NAALADL2: variants seen among roughly 807,000 people sequenced by gnomAD.
NAALADL2 encodes N-acetylated alpha-linked acidic dipeptidase like 2, also known as inactive N-acetylated-alpha-linked acidic dipeptidase-like protein 2.
NAALADL2 carries 76 observed loss-of-function variants against 87.2 expected under a neutral mutation model. The observed-to-expected ratio is 0.87, with a 90% CI of 0.72 to 1.05. NAALADL2 has a LOEUF of 1.05. Among genes scored for constraint, NAALADL2 ranks in the 50% least tolerant of loss-of-function variants. The pLI is 0.00. For synonymous variants in NAALADL2, 354 were observed against 331.0 expected (o/e 1.07, Z -0.75); for missense variants, 1,089 against 945.8 (o/e 1.15, Z -1.99).
At chr3:174,584,022 A>T (rs1316895399) in intron 2 of NAALADL2, among the ~76,000 whole-genome samples, 8 of 152,302 alleles carry the variant, frequency 5.3e-5, no homozygotes, top group Admixed American at 3.3e-4. Flanking sequence ...ATTATCTAAA[A>T]AGGGCATATT....
At chr3:175,298,291 T>G (rs1009122746) in intron 4 of NAALADL2, among the ~76,000 whole-genome samples, 1 of 152,108 alleles carries the variant, frequency 6.6e-6, no homozygotes, top group Non-Finnish European at 1.5e-5. Context: ...GTTTAATTAT[T>G]TTGTTAGTAT....
At chr3:175,404,087 T>G (rs1375389374) in intron 5 of NAALADL2, among the ~76,000 whole-genome samples, 1 of 152,082 alleles carries the variant, frequency 6.6e-6, no homozygotes, top group Admixed American at 6.6e-5. Flanking sequence ...CATCTTGGTT[T>G]AGTTTCTGAG....
intron 10 of NAALADL2, among the ~76,000 whole-genome samples, chr3:175,606,795 A>G (rs1356884016): frequency 6.6e-6 from 1 of 152,172 alleles, no homozygotes; most frequent in African/African-American, 2.4e-5. Flanking sequence ...GAAGTGTCAG[A>G]GAAGAGCAAA....
chr3:175,476,410 G>C (rs937098308), intron 9 of NAALADL2, among the ~76,000 whole-genome samples: 1 of 152,068 alleles, frequency 6.6e-6, no homozygotes, highest in African/African-American at 2.4e-5. Context: ...ATAAGAGTGA[G>C]TGTGATATGT....
At chr3:174,647,143 T>C (rs1437073369) in intron 2 of NAALADL2, among the ~76,000 whole-genome samples, 1 of 152,244 alleles carries the variant, frequency 6.6e-6, no homozygotes, top group Admixed American at 6.5e-5. Flanking sequence ...CCTTTCTTTA[T>C]ACAATCTCAT....
chr3:175,086,162 A>C (rs1718857280), intron 1 of NAALADL2, among the ~76,000 whole-genome samples: 1 of 152,178 alleles, frequency 6.6e-6, no homozygotes, highest in South Asian at 2.1e-4. Flanking sequence ...ATAGAGGAAA[A>C]CATAGTCTTT....
At chr3:174,648,301 C>T (rs561055371) in intron 2 of NAALADL2, among the ~76,000 whole-genome samples, 1 of 147,898 alleles carries the variant, frequency 6.8e-6, no homozygotes, top group South Asian at 2.1e-4. Flanking sequence ...CCAGCCTGGG[C>T]AACAAGAGTG....
chr3:174,710,083 G>A (rs896771153), intron 2 of NAALADL2, among the ~76,000 whole-genome samples: 1 of 152,034 alleles, frequency 6.6e-6, no homozygotes, highest in African/African-American at 2.4e-5. Context: ...CTTAGTCCTC[G>A]GTGTATACTG....
At chr3:174,952,965 A>G (rs1243668808) in intron 1 of NAALADL2, among the ~76,000 whole-genome samples, 1 of 151,996 alleles carries the variant, frequency 6.6e-6, no homozygotes, top group African/African-American at 2.4e-5. Flanking sequence ...GAAATGAGCT[A>G]TCTCCTTAGG....
Position 175,737,350 on chromosome 3 carries a change from G to T in NAALADL2, c.1941G>T (p.Leu647=). Residue 647 remains leucine, a synonymous_variant, in exon 12 of 14, where the codon CTG becomes CTT. Transcript: ENST00000454872. The part of the protein sequence containing the change: ...VILQIANEPV[L]PFNALDIALE... ...TGCAAATTGCCAACGAACCTGTTCTGCCCTTTAATGCACTTGATATAGCTT... is the reference window on the plus strand; with the variant it reads ...TGCAAATTGCCAACGAACCTGTTCTTCCCTTTAATGCACTTGATATAGCTT... 1 of 1,611,652 alleles carries T rather than the reference G, an allele frequency of 6.2e-7. No individual in the cohort carries two copies. The highest frequency in any genetic ancestry group is 1.3e-5 in the African/African-American group (1 of 74,922).
At chr3:175,300,768 T>G (rs1756969006) in intron 4 of NAALADL2, among the ~76,000 whole-genome samples, 1 of 142,778 alleles carries the variant, frequency 7.0e-6, no homozygotes, top group Admixed American at 7.0e-5. Flanking sequence ...TATTTATTTA[T>G]TTATTTATTT....
chr3:175,077,138 T>G (rs1400763198), intron 1 of NAALADL2, among the ~76,000 whole-genome samples: 5 of 152,222 alleles, frequency 3.3e-5, no homozygotes, highest in Non-Finnish European at 7.3e-5. Context: ...TATTCAGATC[T>G]GCTCTTCTGT....
intron 1 of NAALADL2, among the ~76,000 whole-genome samples, chr3:174,482,074 T>A (rs962916934): frequency 6.6e-6 from 1 of 152,094 alleles, no homozygotes. Flanking sequence ...CAGACCTTTT[T>A]AAGGGTATCA....
chr3:175,064,157 T>A (rs899810166), intron 1 of NAALADL2, among the ~76,000 whole-genome samples: 5 of 151,556 alleles, frequency 3.3e-5, no homozygotes, highest in Non-Finnish European at 7.4e-5. Flanking sequence ...GCAAATCAGT[T>A]TATGGAGTTG....
chr3:174,510,002 A>AT lies in NAALADL2; in HGVS notation c.-183-40558dup, dbSNP rs890634564. The stretch of plus-strand genomic sequence containing the variant: ...CCTTTTGACATCTGTTGAGATGATC[A>AT]TTTTTTTTTGCTTTTCTTTTTTAGT... On this transcript the variant is annotated intron_variant, in intron 1 of 3. Transcript: ENST00000434257. Among the ~76,000 whole-genome samples, 121 of 149,582 alleles carry AT rather than the reference A, an allele frequency of 8.1e-4. 1 individual carries two copies. The East Asian group carries it at 0.01, about 13-fold the overall frequency.
intron 12 of NAALADL2, among the ~76,000 whole-genome samples, chr3:175,753,487 T>G (rs975380732): frequency 2.6e-5 from 4 of 152,128 alleles, no homozygotes; most frequent in African/African-American, 9.7e-5. Flanking sequence ...CATTGACATG[T>G]AAAACAGTCT....
chr3:174,952,648 C>T lies in NAALADL2; in HGVS notation c.43+93198C>T, dbSNP rs140361310. ...ACTGAAACATGGTAATGGGAAGACA[C>T]GTAAGGAGGTTGCTGACGTGGTTGT... is the stretch of plus-strand genomic sequence containing the variant. On this transcript the variant is annotated intron_variant, in intron 1 of 13. Coordinates refer to ENST00000454872, the MANE Select transcript of NAALADL2 (RefSeq NM_207015.3). 4.4e-4 allele frequency among the ~76,000 whole-genome samples: 67 copies of T among 152,104 alleles called. No homozygotes were observed. In the East Asian group the frequency reaches 8.5e-3, roughly 19 times the overall value.
At chr3:175,284,562 G>C (rs1285502711) in intron 4 of NAALADL2, among the ~76,000 whole-genome samples, 1 of 151,634 alleles carries the variant, frequency 6.6e-6, no homozygotes, top group Non-Finnish European at 1.5e-5. Context: ...CCAACAATTT[G>C]TTTTCTTTGT....
intron 2 of NAALADL2, among the ~76,000 whole-genome samples, chr3:174,617,764 A>C (rs183337323): frequency 1.3e-4 from 19 of 151,902 alleles, no homozygotes; most frequent in African/African-American, 4.6e-4. Context: ...TTTAGAGATG[A>C]TTTACCAAGG....
Sources: gnomAD v4.1 joint callset for allele counts (sites outside exome capture counted in the v4.1 genomes callset) on GRCh38, gnomAD v4.1.1 for gene constraint, MANE v1.5 for transcripts, NCBI Gene and HGNC (gene_info 2026-07-23, HGNC 2026-07-21) for gene names.